The following GAB1 variants were observed in gnomAD, a reference collection of about 807,000 sequenced individuals.
GAB1 encodes the protein GRB2-associated-binding protein 1.
GAB1 carries 19 observed loss-of-function variants against 66.5 expected under a neutral mutation model. The observed-to-expected ratio is 0.29, with a 90% CI of 0.20 to 0.42. The LOEUF is 0.42. GAB1 is among the 10% of genes least tolerant of loss of function. The probability of loss-of-function intolerance (pLI) is 1.00; values close to 1 mark genes in which losing one functional copy is unlikely to be tolerated. For synonymous variants in GAB1, 294 were observed against 301.4 expected (o/e 0.98, Z 0.25); for missense variants, 732 against 858.5 (o/e 0.85, Z 1.84).
In GAB1 at chr4:143,425,790, G is replaced by A. The variant is rs578004229; in HGVS notation, c.368-7701G>A. The A allele has an allele frequency of 7.6e-5, 60 of 785,668 alleles. 1 individual carries two copies. In the African/African-American group the frequency reaches 1.0e-3, roughly 13 times the overall value. 48.7% of individuals were successfully genotyped at this position (785,668 alleles called of 1,614,324 possible). ...TCAGCCTGAGGTTGCACACTGATCT[G>A]AAGGCATGCAGGTGCCTTCTGTGCC... On this transcript the variant is annotated intron_variant, in intron 2 of 9. Coordinates refer to ENST00000262994, the MANE Select transcript of GAB1 (RefSeq NM_002039.4).
chr4:143,458,941 A>T (rs28925941), intron 6 of GAB1, among the ~76,000 whole-genome samples: 200 of 152,120 alleles, frequency 1.3e-3, no homozygotes, highest in African/African-American at 4.7e-3. Flanking sequence ...GCATCATTTT[A>T]TATATATAGT....
At position 143,459,481 on chromosome 4, in the gene GAB1, A is replaced by G. The variant is rs756052170; in HGVS notation, c.1679+3A>G. ...ATCACTAGGAGTTTTGCTCGAGAGT[A>G]AGTCCTTTGTCTAAAATATGTAGTT... On this transcript the variant is annotated splice_donor_region_variant and intron_variant, in intron 7 of 9. Coordinates refer to ENST00000262994, the MANE Select transcript of GAB1 (RefSeq NM_002039.4). 1 of 1,457,120 alleles carries G rather than the reference A, an allele frequency of 6.9e-7. No homozygotes were observed. Among genetic ancestry groups the G allele is most frequent in the South Asian group, 1.1e-5 (1 of 87,874 alleles). 90.3% of individuals were successfully genotyped at this position (1,457,120 alleles called of 1,614,324 possible). A position where few individuals can be genotyped will look rare whatever the true frequency, so the allele number is the denominator to read the frequency against.
chr4:143,408,033 T>TG (rs893810609), intron 1 of GAB1, among the ~76,000 whole-genome samples: 1 of 152,202 alleles, frequency 6.6e-6, no homozygotes, highest in Admixed American at 6.5e-5. Context: ...CTATTTTAAG[T>TG]GTTCCCAACT....
intron 2 of GAB1, among the ~76,000 whole-genome samples, chr4:143,429,508 A>G (rs1578702218): frequency 6.6e-6 from 1 of 152,298 alleles, no homozygotes; most frequent in Non-Finnish European, 1.5e-5. Flanking sequence ...GTACCCTCAA[A>G]TACTTGTGAG....
rs557341442 is a variant in GAB1 at position 143,448,293 on chromosome 4, A to T, written c.1585+7911A>T. On this transcript the variant is annotated intron_variant, in intron 6 of 9. Transcript: ENST00000262994. ...TCTGCCCGGCTTTGGTATCAGGATGATGCTGGCCTTATAAAATGAGTTAGG... is the reference window on the plus strand; with the variant it reads ...TCTGCCCGGCTTTGGTATCAGGATGTTGCTGGCCTTATAAAATGAGTTAGG... Among the ~76,000 whole-genome samples, 17 of 152,044 alleles carry T rather than the reference A, an allele frequency of 1.1e-4. No individual in the cohort carries two copies. In the East Asian group the frequency reaches 3.3e-3, roughly 29 times the overall value.
intron 2 of GAB1, among the ~76,000 whole-genome samples, chr4:143,432,991 G>T (rs192026032): frequency 6.6e-6 from 1 of 152,144 alleles, no homozygotes; most frequent in East Asian, 1.9e-4. Context: ...AGAATTAGAA[G>T]TATTTCTCTG....
Position 143,474,511 on chromosome 4 carries a change from A to G in GAB1, c.*5322A>G, listed in dbSNP as rs550895460. The G allele has an allele frequency of 6.6e-6, 1 of 152,318 alleles. No individual in the cohort carries two copies. The highest frequency in any genetic ancestry group is 2.1e-4 in the South Asian group (1 of 4,826). The allele number at this position is 152,318 out of a possible 1,614,324, so 9.4% of individuals were successfully genotyped here. On this transcript the variant is annotated 3_prime_UTR_variant, in exon 10 of 10. Coordinates refer to ENST00000262994, the MANE Select transcript of GAB1 (RefSeq NM_002039.4). ...AGATGTTGCTGTGAATATATTTTGT[A>G]GATGTGATTAACATTTACAATCAGT...
At chr4:143,375,804 A>G (rs1730391246) in intron 1 of GAB1, among the ~76,000 whole-genome samples, 1 of 152,050 alleles carries the variant, frequency 6.6e-6, no homozygotes, top group Non-Finnish European at 1.5e-5. Flanking sequence ...TGCCCTGTGC[A>G]TTATAGGGTG....
chr4:143,412,704 G>A (rs972490896), intron 1 of GAB1, among the ~76,000 whole-genome samples: 2 of 152,170 alleles, frequency 1.3e-5, no homozygotes, highest in Non-Finnish European at 2.9e-5. Context: ...AAGCCCTGAA[G>A]GTTGGAGTTG....
chr4:143,425,884 C>G, intron 2 of GAB1: 1 of 1,422,706 alleles, frequency 7.0e-7, no homozygotes, highest in Admixed American at 1.7e-5. Flanking sequence ...GCAGCTCCCA[C>G]TGCTCAGGCC....
In GAB1 at chr4:143,425,593, G is replaced by A. The variant is rs7659683; in HGVS notation, c.368-7898G>A. ...TGGATGCTGGCTCGGGAAGTTCTGC[G>A]CGTGCGTGGCACCATTTCCCGTGAA... On this transcript the variant is annotated intron_variant, in intron 2 of 9. Transcript: ENST00000262994. 5.5e-3 allele frequency: 4,165 copies of A among 762,658 alleles called. 128 individuals are homozygous for A. In the African/African-American group the frequency reaches 0.061, roughly 11 times the overall value. 47.2% of individuals were successfully genotyped at this position (762,658 alleles called of 1,614,324 possible).
intron 2 of GAB1, chr4:143,425,652 T>C (rs1488117781): frequency 1.3e-5 from 10 of 761,186 alleles, no homozygotes; most frequent in Admixed American, 5.1e-5. Flanking sequence ...ACTCTACTTC[T>C]ACAGAGATCC....
At chr4:143,429,789 T>TA (rs1467970214) in intron 2 of GAB1, among the ~76,000 whole-genome samples, 1 of 151,954 alleles carries the variant, frequency 6.6e-6, no homozygotes, top group African/African-American at 2.4e-5. Context: ...AATGGATTCT[T>TA]ACTGCATTGA....
intron 1 of GAB1, among the ~76,000 whole-genome samples, chr4:143,378,357 G>C (rs991532757): frequency 2.6e-5 from 4 of 152,136 alleles, no homozygotes; most frequent in African/African-American, 9.7e-5. Context: ...TAGTTGTGTG[G>C]ATCAGAGCAG....
chr4:143,434,128 C>A (rs1219524732), intron 3 of GAB1: 3 of 1,291,528 alleles, frequency 2.3e-6, no homozygotes, highest in Non-Finnish European at 3.0e-6. Flanking sequence ...AGAGGAATAC[C>A]TTCTACTAGA....
chr4:143,345,030 C>A (rs543099882), intron 1 of GAB1, among the ~76,000 whole-genome samples: 34 of 152,298 alleles, frequency 2.2e-4, no homozygotes, highest in Admixed American at 3.9e-4. Context: ...GCAGTATTAT[C>A]TGGAACAAAA....
chr4:143,430,412 G>A (rs72949200), intron 2 of GAB1, among the ~76,000 whole-genome samples: 12,474 of 152,126 alleles, frequency 0.082, 982 homozygotes, highest in African/African-American at 0.21. Flanking sequence ...GATATAACCT[G>A]AAGAAGATTA....
chr4:143,449,050 C>G (rs1348753880), intron 6 of GAB1, among the ~76,000 whole-genome samples: 6 of 151,286 alleles, frequency 4.0e-5, no homozygotes, highest in African/African-American at 1.5e-4. Context: ...GTTATGTACC[C>G]AGTAGTCATT....
chr4:143,431,053 A>T (rs1189989639), intron 2 of GAB1, among the ~76,000 whole-genome samples: 1 of 152,168 alleles, frequency 6.6e-6, no homozygotes, highest in African/African-American at 2.4e-5. Flanking sequence ...CCAAGCACCT[A>T]TCCTTCTTTA....
Sources: gnomAD v4.1 joint callset for allele counts (sites outside exome capture counted in the v4.1 genomes callset) on GRCh38, gnomAD v4.1.1 for gene constraint, MANE v1.5 for transcripts, NCBI Gene and HGNC (gene_info 2026-07-23, HGNC 2026-07-21) for gene names.